The following TNC variants were observed in gnomAD, a reference collection of about 807,000 sequenced individuals.
TNC encodes the protein tenascin.
In TNC, 109 loss-of-function variants were observed where a neutral mutation model predicts 202.4. That is an observed-to-expected ratio of 0.54 (90% CI 0.46 to 0.63). TNC has a LOEUF of 0.63. Among genes scored for constraint, TNC ranks in the 30% least tolerant of loss-of-function variants. TNC has a pLI of 0.00. For missense variants in TNC, 2,756 were observed against 2,833.3 expected (o/e 0.97, Z 0.62); for synonymous variants, 1,007 against 1,089.7 (o/e 0.92, Z 1.50).
At chr9:115,062,896 T>A (rs1832657474) in intron 13 of TNC, 21 bp downstream of exon 13, 2 of 1,601,436 alleles carry the variant, frequency 1.2e-6, no homozygotes, top group South Asian at 2.2e-5. Flanking sequence ...ATGTCTCCAG[T>A]CTGGGAGGAG....
intron 10 of TNC, among the ~76,000 whole-genome samples, chr9:115,065,816 C>T (rs576384784): frequency 4.1e-5 from 6 of 147,772 alleles, no homozygotes; most frequent in Admixed American, 6.9e-5. Flanking sequence ...TTAGGAGAAT[C>T]GCTTGAGCCC....
intron 26 of TNC, 99 bp from the exon 27 acceptor site, chr9:115,024,235 G>A: frequency 2.3e-6 from 3 of 1,291,438 alleles, no homozygotes; most frequent in Non-Finnish European, 3.3e-6. Context: ...AAAGGTTCTG[G>A]GTGTGGGACT....
chr9:115,084,449 C>CA lies in TNC; in HGVS notation c.1890dup (p.Val631CysfsTer16). 6.2e-7 allele frequency: 1 copy of CA among 1,614,182 alleles called. No individual in the cohort carries two copies. The highest frequency in any genetic ancestry group is 8.5e-7 in the Non-Finnish European group (1 of 1,180,010). ...ACCGTCTCTTCCGTCACTTCTGTCACAACGAGGTCTTTGGGAGGAGACACT... is the reference window on the plus strand; with the variant it reads ...ACCGTCTCTTCCGTCACTTCTGTCACAAACGAGGTCTTTGGGAGGAGACACT... On this transcript the variant is annotated frameshift_variant, in exon 4 of 28. Transcript: ENST00000350763. LOFTEE classifies it high-confidence loss of function.
At chr9:115,103,279 A>C (rs1043169029) in intron 1 of TNC, among the ~76,000 whole-genome samples, 1 of 152,204 alleles carries the variant, frequency 6.6e-6, no homozygotes, top group African/African-American at 2.4e-5. Context: ...CCTAAGATGC[A>C]CTCAGCATGA....
At chr9:115,023,871 T>G in intron 27 of TNC, 102 bp downstream of exon 27, 1 of 1,325,616 alleles carries the variant, frequency 7.5e-7, no homozygotes, top group Non-Finnish European at 1.0e-6. Flanking sequence ...GTAAGGTTCC[T>G]GCCTCCTAGT....
At chr9:115,115,506 A>T (rs1020400016) in intron 1 of TNC, among the ~76,000 whole-genome samples, 9 of 152,208 alleles carry the variant, frequency 5.9e-5, no homozygotes, top group African/African-American at 2.2e-4. Flanking sequence ...TACCTCAGAG[A>T]CATGCTGTGG....
chr9:115,107,150 A>C (rs911585713), intron 1 of TNC, among the ~76,000 whole-genome samples: 1 of 152,134 alleles, frequency 6.6e-6, no homozygotes, highest in Admixed American at 6.5e-5. Flanking sequence ...AGGTGACTGG[A>C]AAGTAAGTAT....
chr9:115,113,045 A>G (rs1299030995), intron 1 of TNC, among the ~76,000 whole-genome samples: 1 of 152,170 alleles, frequency 6.6e-6, no homozygotes, highest in Non-Finnish European at 1.5e-5. Context: ...AACGTATTAC[A>G]TTATGGGTCA....
intron 20 of TNC, 143 bp from the exon 21 acceptor site, chr9:115,036,384 C>T (rs1830337104): frequency 1.1e-6 from 1 of 879,530 alleles, no homozygotes; most frequent in South Asian, 1.6e-5. Context: ...TCTGAAATGA[C>T]TCACGCTCTC....
Position 115,086,845 on chromosome 9 carries a change from C to A in TNC, c.886G>T (p.Glu296Ter), listed in dbSNP as rs376619712. 2 of 1,614,072 alleles carry A rather than the reference C, an allele frequency of 1.2e-6. No homozygotes were observed. Among genetic ancestry groups the A allele is most frequent in the African/African-American group, 2.7e-5 (2 of 74,934 alleles). The change falls in exon 3 of 28, where the codon GAG (glutamate) becomes TAG (stop). Residue 296 changes from glutamate to a stop codon, truncating the protein, a stop_gained. Transcript: ENST00000350763. LOFTEE classifies it high-confidence loss of function. ...NNCYNRGRCVENECVCDEGFT... is the reference protein window; with the variant it reads ...NNCYNRGRCV ...CCCTCATCACACACGCACTCATTCTCCACGCATCGTCCACGGTTGTAGCAA... is the reference window on the plus strand; with the variant it reads ...CCCTCATCACACACGCACTCATTCTACACGCATCGTCCACGGTTGTAGCAA...
rs117595970 is a variant in TNC, at chr9:115,062,914, T to G, written c.4033+3A>C. 2.5e-6 allele frequency: 4 copies of G among 1,611,802 alleles called. No individual in the cohort carries two copies. The highest frequency in any genetic ancestry group is 3.4e-6 in the Non-Finnish European group (4 of 1,178,484). ...TCTCCAGTCTGGGAGGAGGGTCATA[T>G]ACCTGTGACGACCTCTACAGCAAGG... On this transcript the variant is annotated splice_donor_region_variant and intron_variant, in intron 13 of 27. Coordinates refer to ENST00000350763, the MANE Select transcript of TNC (RefSeq NM_002160.4).
intron 22 of TNC, among the ~76,000 whole-genome samples, chr9:115,032,994 C>T (rs185699598): frequency 8.5e-5 from 13 of 152,308 alleles, no homozygotes; most frequent in Admixed American, 1.3e-4. Context: ...CTGCAAACAG[C>T]CAGCTTAGTT....
Position 115,059,716 on chromosome 9 carries a change from G to A in TNC, c.4306+14C>T. On this transcript the variant is annotated intron_variant, in intron 14 of 27. Transcript: ENST00000350763. ...GAACCTTGGGGAGAAAGCATTGACA[G>A]GGAGAGGAAGTACCTGTGGAGGCCT... 6.4e-7 allele frequency: 1 copy of A among 1,564,148 alleles called. No homozygotes were observed. Among genetic ancestry groups the A allele is most frequent in the Non-Finnish European group, 8.7e-7 (1 of 1,155,202 alleles).
intron 15 of TNC, chr9:115,052,921 C>G (rs1414183998): frequency 2.8e-6 from 2 of 702,714 alleles, no homozygotes; most frequent in Admixed American, 4.0e-5. Flanking sequence ...TGATAACAAT[C>G]TTTGCAAAAA....
Position 115,035,245 on chromosome 9 carries a change from C to T in TNC, c.5746G>A (p.Gly1916Ser), listed in dbSNP as rs376093344. ...TWRPPRASVT[G>S]YLLVYESVDG... is the part of the protein sequence containing the mutation. The stretch of plus-strand genomic sequence containing the variant: ...ACTGATTCATAGACCAGCAGGTAAC[C>T]GGTGACTGATGCCCGGGGGGGTCGC... Residue 1916 changes from glycine (G) to serine (S), a missense_variant, in exon 22 of 28, where the codon GGT becomes AGT. Around this residue, in one of 2 missense-constraint regions of TNC, gnomAD observed 2,559 missense variants for 2,546.0 expected, o/e 1.01. Coordinates refer to ENST00000350763, the MANE Select transcript of TNC (RefSeq NM_002160.4). 2.4e-5 allele frequency: 38 copies of T among 1,613,304 alleles called. No homozygotes were observed. Among genetic ancestry groups the T allele is most frequent in the Middle Eastern group, 1.6e-4 (1 of 6,076 alleles).
At chr9:115,041,132 C>T in intron 18 of TNC, 48 bp from the exon 19 acceptor site, 1 of 1,560,826 alleles carries the variant, frequency 6.4e-7, no homozygotes, top group Non-Finnish European at 8.7e-7. Flanking sequence ...CTCACTGACA[C>T]TTATTCACTG....
rs766864944 is a variant in TNC, at chr9:115,086,377, C to G, written c.1354G>C (p.Gly452Arg). ...AAGCCTTGCTCACATACACATTTGC[C>G]CTCGACACAGCGGCCCCGACTGTGA... ...DCHSRGRCVE[G>R]KCVCEQGFKG... The change falls in exon 3 of 28, where the codon GGC (glycine) becomes CGC (arginine). Residue 452 changes from glycine to arginine, a missense_variant. Around this residue, in one of 2 missense-constraint regions of TNC, gnomAD observed 2,559 missense variants for 2,546.0 expected, o/e 1.01. Coordinates refer to ENST00000350763, the MANE Select transcript of TNC (RefSeq NM_002160.4). 3 of 1,614,032 alleles carry G rather than the reference C, an allele frequency of 1.9e-6. No homozygotes were observed. The Admixed American group carries it at 5.0e-5, about 27-fold the overall frequency.
chr9:115,100,187 C>A (rs1313127159), intron 1 of TNC, among the ~76,000 whole-genome samples: 1 of 152,158 alleles, frequency 6.6e-6, no homozygotes, highest in South Asian at 2.1e-4. Flanking sequence ...CCCAGCTTCT[C>A]AGTACTTTCC....
chr9:115,036,432 T>A (rs1288198502), intron 20 of TNC, among the ~76,000 whole-genome samples, 191 bp from the exon 21 acceptor site: 1 of 152,160 alleles, frequency 6.6e-6, no homozygotes, highest in East Asian at 1.9e-4. Flanking sequence ...ACGTAAAGGA[T>A]TTCTCATATG....
Sources: allele counts gnomAD v4.1 joint callset (sites outside exome capture counted in the v4.1 genomes callset), GRCh38; gene constraint gnomAD v4.1.1; regional missense constraint gnomAD v4.1.1; transcripts MANE v1.5; gene names NCBI Gene and HGNC (gene_info 2026-07-23, HGNC 2026-07-21).